Variants in ABTB3 observed in about 807,000 individuals in gnomAD.
The protein encoded by ABTB3 is ankyrin repeat- and BTB/POZ domain-containing protein 3.
At chr12:107,625,184 G>C in the ABTB3 span, among the ~76,000 whole-genome samples, 1 of 152,140 alleles carries the variant, frequency 6.6e-6, no homozygotes, top group African/African-American at 2.4e-5. Context: ...TGAATTGTTT[G>C]CATTTCTACT....
At chr12:107,319,271 T>G in the ABTB3 span, 1 of 1,549,384 alleles carries the variant, frequency 6.5e-7, no homozygotes, top group Non-Finnish European at 8.7e-7. Context: ...GCTGCTGCGT[T>G]CGCGGGATCC....
chr12:107,397,319 T>G, the ABTB3 span, among the ~76,000 whole-genome samples: 1 of 152,206 alleles, frequency 6.6e-6, no homozygotes, highest in South Asian at 2.1e-4. Flanking sequence ...AGATTGGGTG[T>G]GGAATGGAGC....
the ABTB3 span, among the ~76,000 whole-genome samples, chr12:107,643,672 G>A: frequency 1.3e-5 from 2 of 151,986 alleles, no homozygotes; most frequent in Admixed American, 6.6e-5. Context: ...TTGCTTTGGA[G>A]GGTGATGAGG....
the ABTB3 span, among the ~76,000 whole-genome samples, chr12:107,517,935 C>A: frequency 6.6e-6 from 1 of 152,182 alleles, no homozygotes; most frequent in Admixed American, 6.5e-5. Context: ...ACAAACAACT[C>A]CATCAACAAG....
the ABTB3 span, among the ~76,000 whole-genome samples, chr12:107,445,896 C>G: frequency 7.2e-6 from 1 of 139,392 alleles, no homozygotes; most frequent in South Asian, 2.5e-4. Flanking sequence ...CCTCTCCCCT[C>G]TCCCCTCTCC....
At chr12:107,395,611 T>C in the ABTB3 span, among the ~76,000 whole-genome samples, 2 of 152,194 alleles carry the variant, frequency 1.3e-5, no homozygotes, top group African/African-American at 4.8e-5. Flanking sequence ...CCTGCTCAGG[T>C]GAGTGCTCCT....
the ABTB3 span, among the ~76,000 whole-genome samples, chr12:107,477,170 A>C: frequency 6.6e-6 from 1 of 152,158 alleles, no homozygotes; most frequent in Non-Finnish European, 1.5e-5. Flanking sequence ...ACATAAGGCC[A>C]CTTCCACCTC....
At chr12:107,470,016 C>CTT in the ABTB3 span, among the ~76,000 whole-genome samples, 1 of 130,820 alleles carries the variant, frequency 7.6e-6, no homozygotes, top group African/African-American at 3.0e-5. Flanking sequence ...TTCTTTCTCT[C>CTT]TCTCTCTCTC....
chr12:107,324,027 T>C, the ABTB3 span, among the ~76,000 whole-genome samples: 2 of 152,170 alleles, frequency 1.3e-5, no homozygotes, highest in Admixed American at 6.5e-5. Flanking sequence ...CGACCCAACC[T>C]CTCTGTCCTC....
At chr12:107,582,159 C>T in the ABTB3 span, among the ~76,000 whole-genome samples, 4 of 152,288 alleles carry the variant, frequency 2.6e-5, no homozygotes, top group Admixed American at 2.0e-4. Flanking sequence ...AGCAGCCCCC[C>T]GAAGGCCCAG....
At chr12:107,439,057 T>C in the ABTB3 span, among the ~76,000 whole-genome samples, 14 of 152,358 alleles carry the variant, frequency 9.2e-5, no homozygotes, top group South Asian at 8.3e-4. Context: ...GAAGTGTGGC[T>C]ACCATTTGTC....
chr12:107,532,070 A>T, the ABTB3 span, among the ~76,000 whole-genome samples: 2 of 152,202 alleles, frequency 1.3e-5, no homozygotes, highest in Non-Finnish European at 2.9e-5. Context: ...GCCACCACCA[A>T]TAGCAAACTT....
At chr12:107,497,150 C>T in the ABTB3 span, among the ~76,000 whole-genome samples, 2 of 151,998 alleles carry the variant, frequency 1.3e-5, no homozygotes, top group Non-Finnish European at 1.5e-5. Flanking sequence ...ATCATCACAA[C>T]CGCCACCATC....
At chr12:107,462,200 A>G in the ABTB3 span, among the ~76,000 whole-genome samples, 1 of 152,206 alleles carries the variant, frequency 6.6e-6, no homozygotes, top group Non-Finnish European at 1.5e-5. Context: ...TCTTTCATTA[A>G]TGCTTTTAAA....
At chr12:107,657,513 T>C in the ABTB3 span, 1 of 1,614,060 alleles carries the variant, frequency 6.2e-7, no homozygotes, top group East Asian at 2.2e-5. Flanking sequence ...CCACAGTTTC[T>C]TGGAGTCACA....
chr12:107,367,215 C>A, the ABTB3 span, among the ~76,000 whole-genome samples: 1 of 152,166 alleles, frequency 6.6e-6, no homozygotes, highest in African/African-American at 2.4e-5. Context: ...CCTATACCTT[C>A]ATACCAAGGG....
the ABTB3 span, chr12:107,620,042 C>T: frequency 6.2e-7 from 1 of 1,614,206 alleles, no homozygotes; most frequent in East Asian, 2.2e-5. Flanking sequence ...CTTCCAGCAG[C>T]ACCGCAGGCC....
At chr12:107,541,272 C>T in the ABTB3 span, among the ~76,000 whole-genome samples, 25 of 152,286 alleles carry the variant, frequency 1.6e-4, no homozygotes, top group African/African-American at 6.0e-4. Context: ...AAATGTGTCA[C>T]GTTGAAAGGT....
the ABTB3 span, among the ~76,000 whole-genome samples, chr12:107,585,427 A>C: frequency 1.3e-5 from 2 of 152,252 alleles, no homozygotes; most frequent in South Asian, 4.2e-4. Context: ...AGCACCAACT[A>C]AGTGCCAATC....
Sources: allele counts gnomAD v4.1 joint callset (sites outside exome capture counted in the v4.1 genomes callset), GRCh38; gene constraint gnomAD v4.1.1; transcripts MANE v1.5; gene names NCBI Gene and HGNC (gene_info 2026-07-23, HGNC 2026-07-21).